Variants in SPHKAP observed in about 807,000 individuals in gnomAD.
SPHKAP encodes the protein SPHK1 interactor, AKAP domain containing.
A neutral mutation model predicts 137.5 loss-of-function variants in SPHKAP; 67 were observed. That is an observed-to-expected ratio of 0.49 (90% CI 0.40 to 0.60). SPHKAP has a LOEUF of 0.60. Ranked by LOEUF, SPHKAP falls within the 20% of genes least tolerant of loss-of-function variation. SPHKAP has a pLI of 0.00. For missense variants in SPHKAP, 2,097 were observed against 2,069.3 expected, an observed-to-expected ratio of 1.01 and a Z score of -0.26; for synonymous variants, 813 against 785.3, an observed-to-expected ratio of 1.04 and a Z score of -0.59.
intron 1 of SPHKAP, among the ~76,000 whole-genome samples, chr2:228,132,843 C>CAGAAAAAAA (rs1699296845): frequency 7.9e-6 from 1 of 126,268 alleles, no homozygotes; most frequent in South Asian, 2.5e-4. Flanking sequence ...ACTAAAAATA[C>CAGAAAAAAA]AAAAAAAAAA....
rs141113925 is a variant in SPHKAP at position 228,015,753 on chromosome 2, C to G, written c.4448+653G>C. ...ACCAGGCATCTAAAGGGCAGCCCTTCTAGGACACAGTGTCCTTGGCAAGAT... is the reference window on the plus strand; with the variant it reads ...ACCAGGCATCTAAAGGGCAGCCCTTGTAGGACACAGTGTCCTTGGCAAGAT... On this transcript the variant is annotated intron_variant, in intron 7 of 11. Coordinates refer to ENST00000392056, the MANE Select transcript of SPHKAP (RefSeq NM_001142644.2). Among the ~76,000 whole-genome samples, 600 of 152,176 alleles carry G rather than the reference C, an allele frequency of 3.9e-3. 3 individuals are homozygous for G. Among genetic ancestry groups the G allele is most frequent in the African/African-American group, 0.014 (561 of 41,512 alleles).
At chr2:228,121,432 C>T (rs1227915472) in intron 2 of SPHKAP, among the ~76,000 whole-genome samples, 1 of 152,210 alleles carries the variant, frequency 6.6e-6, no homozygotes, top group African/African-American at 2.4e-5. Flanking sequence ...GGGAGGATCA[C>T]TTGAGCCCAG....
At chr2:228,039,606 G>A (rs949054644) in intron 3 of SPHKAP, among the ~76,000 whole-genome samples, 3 of 152,084 alleles carry the variant, frequency 2.0e-5, no homozygotes, top group African/African-American at 7.2e-5. Context: ...AAAAGCTAAT[G>A]TGAGGAAGAG....
chr2:228,180,906 G>C (rs1189025551), intron 1 of SPHKAP, among the ~76,000 whole-genome samples: 1 of 152,192 alleles, frequency 6.6e-6, no homozygotes, highest in East Asian at 1.9e-4. Context: ...CAGCGCCTGG[G>C]GTGGCGTCCG....
chr2:228,011,499 A>G (rs13392226), intron 7 of SPHKAP, among the ~76,000 whole-genome samples: 79,984 of 152,080 alleles, frequency 0.53, 21,381 homozygotes, highest in South Asian at 0.67. Context: ...AACCTCTGAA[A>G]TTTCTATAAT....
At chr2:228,126,498 ACCTC>A (rs1699079799) in intron 2 of SPHKAP, among the ~76,000 whole-genome samples, 1 of 152,174 alleles carries the variant, frequency 6.6e-6, no homozygotes, top group South Asian at 2.1e-4. Context: ...AATCACTAAA[ACCTC>A]AGTGTGAATT....
At position 228,105,696 on chromosome 2, in the gene SPHKAP, C is replaced by T. The variant is rs183154134; in HGVS notation, c.246+3136G>A. 3.2e-3 allele frequency among the ~76,000 whole-genome samples: 480 copies of T among 152,162 alleles called. 1 individual carries two copies. Among genetic ancestry groups the T allele is most frequent in the African/African-American group, 9.4e-3 (391 of 41,494 alleles). Reference sequence around the variant, plus strand: ...GGTTTCCCCCATACTGTTCCGGTGACGGTGACTAAGTCTCACAAGAGCTGA... The same window carrying T: ...GGTTTCCCCCATACTGTTCCGGTGATGGTGACTAAGTCTCACAAGAGCTGA... On this transcript the variant is annotated intron_variant, in intron 3 of 11. Transcript: ENST00000392056.
In SPHKAP at chr2:227,980,810, T is replaced by C. The variant is rs1574701655; in HGVS notation, c.*907A>G. 1.3e-5 allele frequency: 2 copies of C among 152,222 alleles called. No individual in the cohort carries two copies. The highest frequency in any genetic ancestry group is 3.8e-4 in the East Asian group (2 of 5,196). 9.4% of individuals were successfully genotyped at this position (152,222 alleles called of 1,614,324 possible). A position where few individuals can be genotyped will look rare whatever the true frequency, so the allele number is the denominator to read the frequency against. On this transcript the variant is annotated 3_prime_UTR_variant, in exon 12 of 12. Transcript: ENST00000392056. The stretch of plus-strand genomic sequence containing the variant: ...GTGACTTTAGACAACAATCTCTTCA[T>C]ATTTTAGGAAGCTTGAAGCTAACTC...
chr2:228,088,337 A>G (rs1317771239), intron 3 of SPHKAP, among the ~76,000 whole-genome samples: 4 of 152,194 alleles, frequency 2.6e-5, no homozygotes, highest in African/African-American at 9.7e-5. Flanking sequence ...AAGTTTATAT[A>G]TATCTAAAGT....
intron 3 of SPHKAP, among the ~76,000 whole-genome samples, chr2:228,091,571 G>GA (rs1377220350): frequency 2.4e-4 from 37 of 151,902 alleles, no homozygotes; most frequent in Non-Finnish European, 4.0e-4. Flanking sequence ...AAATTAGCAA[G>GA]AAAAAAGCAA....
chr2:228,016,324 T>A, intron 7 of SPHKAP, 82 bp downstream of exon 7: 1 of 1,486,230 alleles, frequency 6.7e-7, no homozygotes, highest in Non-Finnish European at 8.9e-7. Context: ...AAATCCTTTA[T>A]GTCTAAAATT....
At chr2:228,006,817 T>G (rs183674351) in intron 7 of SPHKAP, among the ~76,000 whole-genome samples, 12 of 152,334 alleles carry the variant, frequency 7.9e-5, no homozygotes, top group African/African-American at 2.9e-4. Context: ...CCAGACCCTG[T>G]TTGCCTGGGT....
chr2:228,122,017 A>T (rs191137121), intron 2 of SPHKAP, among the ~76,000 whole-genome samples: 1 of 152,266 alleles, frequency 6.6e-6, no homozygotes, highest in East Asian at 1.9e-4. Context: ...GGAGACCTTG[A>T]GGCCAGTGAT....
At chr2:228,055,023 T>C (rs1696386850) in intron 3 of SPHKAP, among the ~76,000 whole-genome samples, 1 of 151,130 alleles carries the variant, frequency 6.6e-6, no homozygotes, top group South Asian at 2.1e-4. Context: ...ATGCCTGTAA[T>C]CCCAGCTACT....
chr2:228,158,488 A>T (rs1700178289), intron 1 of SPHKAP, among the ~76,000 whole-genome samples: 1 of 152,126 alleles, frequency 6.6e-6, no homozygotes, highest in South Asian at 2.1e-4. Flanking sequence ...ATGAAAGGTC[A>T]AAGTCTGAGA....
intron 3 of SPHKAP, among the ~76,000 whole-genome samples, chr2:228,102,251 T>C (rs557220899): frequency 0.023 from 3,499 of 152,288 alleles, 130 homozygotes; most frequent in African/African-American, 0.079. Context: ...TTACCTTTTT[T>C]TTTTAAACAC....
At chr2:228,077,020 G>C (rs571726709) in intron 3 of SPHKAP, among the ~76,000 whole-genome samples, 6 of 152,258 alleles carry the variant, frequency 3.9e-5, no homozygotes, top group South Asian at 4.1e-4. Context: ...AGCTGAAAGG[G>C]GCCAATGTAG....
At chr2:228,116,823 G>T (rs1467538946) in intron 2 of SPHKAP, among the ~76,000 whole-genome samples, 1 of 152,120 alleles carries the variant, frequency 6.6e-6, no homozygotes, top group Non-Finnish European at 1.5e-5. Context: ...GCCCAATTTA[G>T]ACATTTCCTA....
chr2:228,159,840 C>T (rs1700223245), intron 1 of SPHKAP, among the ~76,000 whole-genome samples: 1 of 152,142 alleles, frequency 6.6e-6, no homozygotes, highest in Admixed American at 6.5e-5. Context: ...GTCATCATCA[C>T]TATGTCTGTG....
Sources: gnomAD v4.1 joint callset for allele counts (sites outside exome capture counted in the v4.1 genomes callset) on GRCh38, gnomAD v4.1.1 for gene constraint, MANE v1.5 for transcripts, NCBI Gene and HGNC (gene_info 2026-07-23, HGNC 2026-07-21) for gene names.